The following CDH13 variants were observed in gnomAD, a reference collection of about 807,000 sequenced individuals.
The protein encoded by CDH13 is cadherin-13.
A neutral mutation model predicts 63.8 loss-of-function variants in CDH13; 24 were observed. The observed-to-expected ratio is 0.38, with a 90% confidence interval of 0.27 to 0.53. The LOEUF is 0.53. Among genes scored for constraint, CDH13 ranks in the 20% least tolerant of loss-of-function variants. CDH13 has a pLI of 0.85. For synonymous variants in CDH13, 503 were observed against 355.3 expected, an observed-to-expected ratio of 1.42 and a Z score of -4.67; for missense variants, 1,049 against 903.1, an observed-to-expected ratio of 1.16 and a Z score of -2.07.
intron 7 of CDH13, among the ~76,000 whole-genome samples, chr16:83,558,266 T>C (rs1440412551): frequency 6.6e-6 from 1 of 152,176 alleles, no homozygotes; most frequent in East Asian, 1.9e-4. Flanking sequence ...AGTGGTAAGA[T>C]TGGATCAGCG....
chr16:82,993,874 C>T (rs1422043477), intron 2 of CDH13, among the ~76,000 whole-genome samples: 5 of 152,252 alleles, frequency 3.3e-5, no homozygotes, highest in East Asian at 3.9e-4. Flanking sequence ...CCTGGTGCTT[C>T]GTTCTTTGGT....
chr16:83,652,312 T>G lies in CDH13; in HGVS notation c.1102-18478T>G, dbSNP rs953035776. 5.3e-5 allele frequency among the ~76,000 whole-genome samples: 8 copies of G among 152,354 alleles called. No individual in the cohort carries two copies. In the South Asian group the frequency reaches 1.7e-3, roughly 32 times the overall value. On this transcript the variant is annotated intron_variant, in intron 8 of 13. Transcript: ENST00000567109. ...CCTTGTAATGAAAGCAGAAGGTTTCTCTTGTCCTTGTTTGTGCTGTGGTGT... is the reference window on the plus strand; with the variant it reads ...CCTTGTAATGAAAGCAGAAGGTTTCGCTTGTCCTTGTTTGTGCTGTGGTGT...
intron 5 of CDH13, among the ~76,000 whole-genome samples, chr16:83,220,213 C>T (rs1435343160): frequency 6.6e-6 from 1 of 152,194 alleles, no homozygotes; most frequent in Non-Finnish European, 1.5e-5. Flanking sequence ...GTTGCTGAAG[C>T]TTCTTCCTTG....
Position 83,799,801 on chromosome 16 carries a change from T to C in CDH13, c.*4771T>C, listed in dbSNP as rs1049442337. On this transcript the variant is annotated 3_prime_UTR_variant, in exon 14 of 14. Coordinates refer to ENST00000567109, the MANE Select transcript of CDH13 (RefSeq NM_001257.5). ...TGTGTTACCCTTACTATATTTCCTA[T>C]TGCTAATAGATTAGCCCACTATTGA... The C allele has an allele frequency of 4.6e-5, 7 of 152,220 alleles. No individual in the cohort carries two copies. Among genetic ancestry groups the C allele is most frequent in the African/African-American group, 1.7e-4 (7 of 41,460 alleles). The allele number at this position is 152,220 out of a possible 1,614,324, so 9.4% of individuals were successfully genotyped here.
chr16:82,981,659 C>T (rs1189152431), intron 2 of CDH13, among the ~76,000 whole-genome samples: 2 of 152,064 alleles, frequency 1.3e-5, no homozygotes, highest in African/African-American at 4.8e-5. Context: ...TGAAAAACAC[C>T]ATAAAATAAA....
chr16:83,132,987 C>G (rs1004527889), intron 4 of CDH13, among the ~76,000 whole-genome samples: 10 of 152,124 alleles, frequency 6.6e-5, no homozygotes, highest in African/African-American at 9.7e-5. Context: ...TAGGAGCAGC[C>G]CACATTCACA....
intron 10 of CDH13, among the ~76,000 whole-genome samples, chr16:83,724,854 C>A (rs1486173770): frequency 6.6e-6 from 1 of 152,136 alleles, no homozygotes; most frequent in Non-Finnish European, 1.5e-5. Flanking sequence ...CTTGAGATGG[C>A]CTTTGGGTAC....
intron 11 of CDH13, among the ~76,000 whole-genome samples, chr16:83,748,622 C>T (rs944672845): frequency 9.2e-5 from 14 of 152,202 alleles, no homozygotes; most frequent in African/African-American, 2.7e-4. Context: ...GAGGACATCA[C>T]TGACCCTGAC....
intron 3 of CDH13, among the ~76,000 whole-genome samples, chr16:83,095,008 C>T (rs2034124565): frequency 6.6e-6 from 1 of 152,194 alleles, no homozygotes; most frequent in African/African-American, 2.4e-5. Flanking sequence ...GCAGTATCTG[C>T]AGTCTGCAGT....
intron 7 of CDH13, among the ~76,000 whole-genome samples, chr16:83,551,039 G>T (rs572886451): frequency 9.0e-6 from 1 of 110,834 alleles, no homozygotes; most frequent in East Asian, 2.7e-4. Flanking sequence ...CTGTTCCATG[G>T]CCCCCTTAAG....
At chr16:83,066,671 A>G (rs1231520484) in intron 3 of CDH13, among the ~76,000 whole-genome samples, 1 of 152,242 alleles carries the variant, frequency 6.6e-6, no homozygotes, top group African/African-American at 2.4e-5. Context: ...TGATTATCAC[A>G]TGCATTGAAA....
At chr16:82,848,903 A>C (rs1014799151) in intron 1 of CDH13, among the ~76,000 whole-genome samples, 13 of 152,210 alleles carry the variant, frequency 8.5e-5, no homozygotes, top group African/African-American at 2.2e-4. Context: ...TCTTGTGCCA[A>C]AGAGTAAAGT....
chr16:83,166,589 G>C (rs150890797), intron 4 of CDH13, among the ~76,000 whole-genome samples: 1 of 152,084 alleles, frequency 6.6e-6, no homozygotes, highest in South Asian at 2.1e-4. Flanking sequence ...TAATTTATGT[G>C]GTTGGGACAG....
chr16:82,712,432 TATCAGC>T (rs2032019940), intron 1 of CDH13, among the ~76,000 whole-genome samples: 2 of 152,164 alleles, frequency 1.3e-5, no homozygotes, highest in African/African-American at 4.8e-5. Context: ...GGAGGCATAA[TATCAGC>T]ACCTTGCGTA....
chr16:83,742,687 G>C lies in CDH13; in HGVS notation c.1539-5421G>C, dbSNP rs951496316. 2.0e-5 allele frequency among the ~76,000 whole-genome samples: 3 copies of C among 152,202 alleles called. No homozygotes were observed. The East Asian group carries it at 5.8e-4, about 29-fold the overall frequency. ...AGGAAGCGGGAGAGCAGGCTGTTCC[G>C]TGGTCTTGAGCTGTTCTCCCTCCAC... is the stretch of plus-strand genomic sequence containing the variant. On this transcript the variant is annotated intron_variant, in intron 10 of 13. Transcript: ENST00000567109.
At chr16:82,821,782 C>G (rs549309253) in intron 1 of CDH13, among the ~76,000 whole-genome samples, 6 of 152,230 alleles carry the variant, frequency 3.9e-5, no homozygotes, top group African/African-American at 9.6e-5. Context: ...TGCTCTGAAC[C>G]TCAAATGAAG....
Position 82,842,149 on chromosome 16 carries a change from T to TACATAC in CDH13, c.46-16212_46-16211insCATACA, listed in dbSNP as rs1336608956. ...ATATATATATATATACACATATATA[T>TACATAC]ATATATATATATATACACACACACA... On this transcript the variant is annotated intron_variant, in intron 1 of 13. Coordinates refer to ENST00000567109, the MANE Select transcript of CDH13 (RefSeq NM_001257.5). Among the ~76,000 whole-genome samples, 345 of 37,542 alleles carry TACATAC rather than the reference T, an allele frequency of 9.2e-3. 12 individuals are homozygous for TACATAC. Among genetic ancestry groups the TACATAC allele is most frequent in the Admixed American group, 1.0e-2 (29 of 2,902 alleles). The allele number at this position is 37,542 out of a possible 152,430, so 24.6% of individuals were successfully genotyped here.
intron 7 of CDH13, among the ~76,000 whole-genome samples, chr16:83,504,105 A>G (rs2074344615): frequency 6.6e-6 from 1 of 152,178 alleles, no homozygotes; most frequent in Non-Finnish European, 1.5e-5. Context: ...TATGTATCCC[A>G]GAAGTTAAGG....
intron 8 of CDH13, among the ~76,000 whole-genome samples, chr16:83,670,142 G>A (rs527655219): frequency 1.1e-4 from 17 of 152,288 alleles, no homozygotes; most frequent in African/African-American, 3.6e-4. Context: ...ATTAAAACTG[G>A]ATATGGAGTG....
Sources: gnomAD v4.1 joint callset for allele counts (sites outside exome capture counted in the v4.1 genomes callset) on GRCh38, gnomAD v4.1.1 for gene constraint, MANE v1.5 for transcripts, NCBI Gene and HGNC (gene_info 2026-07-23, HGNC 2026-07-21) for gene names.